The following POP1 variants were observed in gnomAD, a reference collection of about 807,000 sequenced individuals.
The protein encoded by POP1 is POP1 ribonuclease P/MRP subunit, also known as ribonucleases P/MRP protein subunit POP1.
POP1 carries 75 observed loss-of-function variants against 102.2 expected under a neutral mutation model. That is an observed-to-expected ratio of 0.73 (90% CI 0.61 to 0.89). The LOEUF (loss-of-function observed/expected upper bound fraction) is 0.89, where lower values mean the gene tolerates loss of function less well. POP1 is among the 40% of genes least tolerant of loss of function. The probability of loss-of-function intolerance (pLI) is 0.00; values close to 1 mark genes in which losing one functional copy is unlikely to be tolerated. For synonymous variants in POP1, 436 were observed against 464.1 expected, an observed-to-expected ratio of 0.94 and a Z score of 0.78; for missense variants, 1,116 against 1,267.4, an observed-to-expected ratio of 0.88 and a Z score of 1.81.
intron 14 of POP1, among the ~76,000 whole-genome samples, chr8:98,155,067 A>G (rs556181189): frequency 6.6e-6 from 1 of 152,296 alleles, no homozygotes; most frequent in East Asian, 1.9e-4. Context: ...CTGGGTCACT[A>G]GAGGTCAAGA....
intron 9 of POP1, among the ~76,000 whole-genome samples, chr8:98,139,498 A>G (rs996586831): frequency 4.6e-5 from 7 of 152,128 alleles, no homozygotes. Context: ...AGGTGGGTTG[A>G]TTGCTTCAGC....
Position 98,158,724 on chromosome 8 carries a change from G to C in POP1, c.*453G>C, listed in dbSNP as rs543769567. The C allele has an allele frequency of 6.0e-6, 1 of 167,028 alleles. No homozygotes were observed. Among genetic ancestry groups the C allele is most frequent in the South Asian group, 1.5e-4 (1 of 6,544 alleles). 10.3% of individuals were successfully genotyped at this position (167,028 alleles called of 1,614,324 possible). A position where few individuals can be genotyped will look rare whatever the true frequency, so the allele number is the denominator to read the frequency against. On this transcript the variant is annotated 3_prime_UTR_variant, in exon 16 of 16. Coordinates refer to ENST00000401707, the MANE Select transcript of POP1 (RefSeq NM_001145860.2). The stretch of plus-strand genomic sequence containing the variant: ...CTCTGTACATGAAATATGGGCTCCT[G>C]ATGGACCTCATTCAATTCTGTACTG...
chr8:98,136,448 A>G, intron 7 of POP1, 34 bp from the exon 8 acceptor site: 1 of 1,562,394 alleles, frequency 6.4e-7, no homozygotes, highest in South Asian at 1.2e-5. Context: ...TTAAATTTCA[A>G]GATTTTAAAG....
At chr8:98,125,477 T>A (rs1490117450) in intron 2 of POP1, among the ~76,000 whole-genome samples, 1 of 151,920 alleles carries the variant, frequency 6.6e-6, no homozygotes, top group Non-Finnish European at 1.5e-5. Context: ...TGAGCCACTG[T>A]ACCCGGCCAC....
intron 1 of POP1, among the ~76,000 whole-genome samples, chr8:98,121,667 G>A (rs146874895): frequency 0.016 from 2,424 of 150,290 alleles, 26 homozygotes; most frequent in Middle Eastern, 0.048. Flanking sequence ...ACAGGTGCGC[G>A]CCACTGCACC....
intron 11 of POP1, among the ~76,000 whole-genome samples, chr8:98,145,783 G>A (rs1816827757): frequency 6.6e-6 from 1 of 152,066 alleles, no homozygotes; most frequent in South Asian, 2.1e-4. Flanking sequence ...GCATGCGTCT[G>A]TAATCCCAGC....
Position 98,155,107 on chromosome 8 carries a change from C to T in POP1, c.2058-943C>T, listed in dbSNP as rs545324608. Among the ~76,000 whole-genome samples, 25 of 152,168 alleles carry T rather than the reference C, an allele frequency of 1.6e-4. No individual in the cohort carries two copies. In the South Asian group the frequency reaches 4.8e-3, roughly 29 times the overall value. Reference sequence around the variant, plus strand: ...GACAGAAACTTCATGTAGCCTTGAGCTTAGAACCTCGTAAGTGTACAGGAA... The same window carrying T: ...GACAGAAACTTCATGTAGCCTTGAGTTTAGAACCTCGTAAGTGTACAGGAA... On this transcript the variant is annotated intron_variant, in intron 14 of 15. Transcript: ENST00000401707.
intron 14 of POP1, among the ~76,000 whole-genome samples, chr8:98,154,447 G>T (rs1809595839): frequency 6.6e-6 from 1 of 152,216 alleles, no homozygotes; most frequent in East Asian, 1.9e-4. Context: ...TAAGTGGGTG[G>T]AAAACAGGAG....
intron 2 of POP1, 104 bp from the exon 3 acceptor site, chr8:98,127,491 A>G (rs1816242281): frequency 1.5e-6 from 2 of 1,364,112 alleles, no homozygotes; most frequent in Non-Finnish European, 1.0e-6. Context: ...GGGTGACTAT[A>G]GGATTAAAAA....
intron 1 of POP1, among the ~76,000 whole-genome samples, chr8:98,121,621 G>A (rs927999074): frequency 1.3e-5 from 2 of 149,242 alleles, no homozygotes; most frequent in East Asian, 2.0e-4. Flanking sequence ...GGGTTCAAGC[G>A]ATTCTCCTGT....
chr8:98,133,418 G>A lies in POP1; in HGVS notation c.736-531G>A, dbSNP rs573233933. 7.2e-5 allele frequency among the ~76,000 whole-genome samples: 11 copies of A among 152,266 alleles called. No homozygotes were observed. In the East Asian group the frequency reaches 1.7e-3, roughly 24 times the overall value. ...AAGACTGAGTATGGGAGAAATATGGGATGGATTAATTGCAATATTGTATCT... is the reference window on the plus strand; with the variant it reads ...AAGACTGAGTATGGGAGAAATATGGAATGGATTAATTGCAATATTGTATCT... On this transcript the variant is annotated intron_variant, in intron 5 of 15. Transcript: ENST00000401707.
At position 98,136,937 on chromosome 8, in the gene POP1, G is replaced by A; in HGVS notation, c.1345G>A (p.Ala449Thr). The part of the protein sequence containing the change: ...SHSILTEAIK[A>T]ASVHTVGEDT... ...CTCCATCCTAACTGAAGCAATAAAA[G>A]CTGCTTCTGTCCACACTGTAAGAGT... The change falls in exon 9 of 16, where the codon GCT (alanine) becomes ACT (threonine). Residue 449 changes from alanine to threonine, a missense_variant. Physicochemically the swap from Ala to Thr is moderately conservative, Grantham distance 58 (BLOSUM62 0). Coordinates refer to ENST00000401707, the MANE Select transcript of POP1 (RefSeq NM_001145860.2). 6.2e-7 allele frequency: 1 copy of A among 1,608,082 alleles called. No individual in the cohort carries two copies.
chr8:98,157,700 G>A lies in POP1; in HGVS notation c.2504G>A (p.Arg835Lys), dbSNP rs141598143. Residue 835 changes from arginine to lysine, a missense_variant, in exon 16 of 16, where the codon AGA (arginine) becomes AAA (lysine). Coordinates refer to ENST00000401707, the MANE Select transcript of POP1 (RefSeq NM_001145860.2). ...CGGGGAGGCCGGCGAGCTCCCGGCA[G>A]AGGCCAGCAAGGATTGACCAGAGAG... The part of the protein sequence containing the change: ...DSRGGRRAPG[R>K]GQQGLTREAC... 9.9e-6 allele frequency: 16 copies of A among 1,614,116 alleles called. No individual in the cohort carries two copies. The highest frequency in any genetic ancestry group is 1.0e-5 in the Non-Finnish European group (12 of 1,180,056).
chr8:98,153,734 C>T (rs1350487131), intron 14 of POP1, among the ~76,000 whole-genome samples: 1 of 151,968 alleles, frequency 6.6e-6, no homozygotes. Flanking sequence ...AATCAGGTTT[C>T]ACCATGTTGG....
Position 98,157,749 on chromosome 8 carries a change from C to T in POP1, c.2553C>T (p.His851=). The T allele has an allele frequency of 1.2e-6, 2 of 1,614,208 alleles. No homozygotes were observed. Among genetic ancestry groups the T allele is most frequent in the Non-Finnish European group, 1.7e-6 (2 of 1,180,046 alleles). The change falls in exon 16 of 16, where the codon CAC becomes CAT. Residue 851 remains histidine (H), a synonymous_variant. Coordinates refer to ENST00000401707, the MANE Select transcript of POP1 (RefSeq NM_001145860.2). The stretch of plus-strand genomic sequence containing the variant: ...AGGCTTGCCTGTCCATCTTGGGCCA[C>T]TTCCCCAGGGCCCTGGTTTGGGTCA... The part of the protein sequence containing the change: ...TREACLSILG[H]FPRALVWVSL...
intron 1 of POP1, 41 bp from the exon 2 acceptor site, chr8:98,123,295 A>C: frequency 1.2e-6 from 2 of 1,601,380 alleles, no homozygotes; most frequent in Non-Finnish European, 1.7e-6. Flanking sequence ...TTTGAGTGGA[A>C]GTTTCCTTTC....
At position 98,158,748 on chromosome 8, in the gene POP1, T is replaced by C. The variant is rs1484673318; in HGVS notation, c.*477T>C. 1 of 157,986 alleles carries C rather than the reference T, an allele frequency of 6.3e-6. No individual in the cohort carries two copies. Among genetic ancestry groups the C allele is most frequent in the Non-Finnish European group, 1.4e-5 (1 of 71,858 alleles). 9.8% of individuals were successfully genotyped at this position (157,986 alleles called of 1,614,324 possible). A position where few individuals can be genotyped will look rare whatever the true frequency, so the allele number is the denominator to read the frequency against. On this transcript the variant is annotated 3_prime_UTR_variant, in exon 16 of 16. Coordinates refer to ENST00000401707, the MANE Select transcript of POP1 (RefSeq NM_001145860.2). ...TGATGGACCTCATTCAATTCTGTAC[T>C]GTGATTTCCATGCCGAACAACTCAA...
At chr8:98,139,392 A>G (rs1410602939) in intron 9 of POP1, among the ~76,000 whole-genome samples, 1 of 152,180 alleles carries the variant, frequency 6.6e-6, no homozygotes. Flanking sequence ...GGTGAGGAAC[A>G]TTTTATTGCT....
rs1809729422 is a variant in POP1, at chr8:98,158,843, G to C, written c.*572G>C. ...CAGGCAGGCACAGTTTATGGCGTCA[G>C]TGCTAGGCTGGAATTAGAAAGTGGG... On this transcript the variant is annotated 3_prime_UTR_variant, in exon 16 of 16. Coordinates refer to ENST00000401707, the MANE Select transcript of POP1 (RefSeq NM_001145860.2). 1 of 152,646 alleles carries C rather than the reference G, an allele frequency of 6.6e-6. No individual in the cohort carries two copies. Among genetic ancestry groups the C allele is most frequent in the South Asian group, 2.1e-4 (1 of 4,844 alleles). 9.5% of individuals were successfully genotyped at this position (152,646 alleles called of 1,614,324 possible). A position where few individuals can be genotyped will look rare whatever the true frequency, so the allele number is the denominator to read the frequency against.
Sources: gnomAD v4.1 joint callset for allele counts (sites outside exome capture counted in the v4.1 genomes callset) on GRCh38, gnomAD v4.1.1 for gene constraint, MANE v1.5 for transcripts, NCBI Gene and HGNC (gene_info 2026-07-23, HGNC 2026-07-21) for gene names.